The following TDRD5 variants were observed in gnomAD, a reference collection of about 807,000 sequenced individuals.
TDRD5 encodes tudor domain-containing protein 5.
In TDRD5, 41 loss-of-function variants were observed where a neutral mutation model predicts 120.6. The observed-to-expected ratio is 0.34, with a 90% CI of 0.26 to 0.44. The LOEUF is 0.44. TDRD5 is among the 20% of genes least tolerant of loss of function. The probability of loss-of-function intolerance (pLI) is 1.00; values close to 1 mark genes in which losing one functional copy is unlikely to be tolerated. For synonymous variants in TDRD5, 430 were observed against 433.7 expected, an observed-to-expected ratio of 0.99 and a Z score of 0.11; for missense variants, 1,006 against 1,221.2, an observed-to-expected ratio of 0.82 and a Z score of 2.63.
intron 4 of TDRD5, among the ~76,000 whole-genome samples, chr1:179,601,631 T>C (rs561188099): frequency 4.9e-4 from 74 of 152,382 alleles, no homozygotes; most frequent in African/African-American, 1.8e-3. Context: ...TTCCATTGTA[T>C]ATAGATACCA....
Position 179,635,933 on chromosome 1 carries a change from T to A in TDRD5, c.1520+46T>A, listed in dbSNP as rs540398951. 1.9e-6 allele frequency: 3 copies of A among 1,557,254 alleles called. No homozygotes were observed. In the African/African-American group the frequency reaches 4.1e-5, roughly 21 times the overall value. ...ATGTGTTTTTCACATGTCTCTTAAA[T>A]CAACAGTTCTCAAACATTTCGGTTT... On this transcript the variant is annotated intron_variant, in intron 9 of 17. Transcript: ENST00000444136.
At chr1:179,607,323 T>A (rs1676032529) in intron 4 of TDRD5, among the ~76,000 whole-genome samples, 1 of 152,134 alleles carries the variant, frequency 6.6e-6, no homozygotes, top group South Asian at 2.1e-4. Context: ...CAGGAGTTTT[T>A]AAAAAATTCT....
At chr1:179,628,885 C>T (rs944790663) in intron 6 of TDRD5, among the ~76,000 whole-genome samples, 1 of 152,058 alleles carries the variant, frequency 6.6e-6, no homozygotes, top group Non-Finnish European at 1.5e-5. Flanking sequence ...ATAATGGTTA[C>T]TTCCAGGGAA....
intron 6 of TDRD5, among the ~76,000 whole-genome samples, chr1:179,630,394 T>C (rs187839144): frequency 6.8e-4 from 104 of 152,360 alleles, no homozygotes; most frequent in Non-Finnish European, 1.4e-3. Context: ...ATATTATCTT[T>C]ATTGGAAAAT....
intron 17 of TDRD5, among the ~76,000 whole-genome samples, chr1:179,684,409 G>A (rs1162971613): frequency 6.6e-6 from 1 of 152,112 alleles, no homozygotes; most frequent in Non-Finnish European, 1.5e-5. Context: ...AGTATTCCAT[G>A]GTGTATATGT....
chr1:179,634,721 A>G (rs1677671642), intron 8 of TDRD5, 92 bp downstream of exon 8: 2 of 1,406,478 alleles, frequency 1.4e-6, no homozygotes, highest in East Asian at 4.8e-5. Flanking sequence ...CTTTTTAGAA[A>G]AGTCTTATTT....
intron 4 of TDRD5, among the ~76,000 whole-genome samples, chr1:179,609,215 T>A (rs1397870298): frequency 6.6e-6 from 1 of 152,174 alleles, no homozygotes; most frequent in Non-Finnish European, 1.5e-5. Flanking sequence ...TCTGAAATGC[T>A]TGGTTGAGTA....
chr1:179,635,157 T>G (rs906839329), intron 8 of TDRD5, among the ~76,000 whole-genome samples: 3 of 152,156 alleles, frequency 2.0e-5, no homozygotes, highest in Non-Finnish European at 4.4e-5. Context: ...AAAAGTTTTG[T>G]TTGGAGAGCT....
chr1:179,621,801 G>C (rs960905228), intron 6 of TDRD5, among the ~76,000 whole-genome samples: 1 of 152,120 alleles, frequency 6.6e-6, no homozygotes, highest in South Asian at 2.1e-4. Context: ...TCTATCCAGA[G>C]CATCTTTCAT....
In TDRD5 at chr1:179,638,594, T is replaced by C. The variant is rs1677889692; in HGVS notation, c.1521-1245T>C. Among the ~76,000 whole-genome samples, 2 of 127,920 alleles carry C rather than the reference T, an allele frequency of 1.6e-5. 1 individual carries two copies. Among genetic ancestry groups the C allele is most frequent in the Non-Finnish European group, 3.5e-5 (2 of 57,756 alleles). The allele number at this position is 127,920 out of a possible 152,430, so 83.9% of individuals were successfully genotyped here. On this transcript the variant is annotated intron_variant, in intron 9 of 17. Coordinates refer to ENST00000444136, the MANE Select transcript of TDRD5 (RefSeq NM_001199085.3). Reference sequence around the variant, plus strand: ...AATACATTCTGATATGATAGTTCCGTGGTGGGAGGGGGACACAGTTATAGA... The same window carrying C: ...AATACATTCTGATATGATAGTTCCGCGGTGGGAGGGGGACACAGTTATAGA...
chr1:179,626,283 T>C (rs1318912345), intron 6 of TDRD5, among the ~76,000 whole-genome samples: 1 of 152,246 alleles, frequency 6.6e-6, no homozygotes, highest in East Asian at 1.9e-4. Flanking sequence ...ATCTGAAAAA[T>C]AGTTGCTGTG....
intron 17 of TDRD5, 143 bp from the exon 18 acceptor site, chr1:179,690,553 C>G: frequency 9.1e-7 from 1 of 1,097,294 alleles, no homozygotes; most frequent in Non-Finnish European, 1.3e-6. Flanking sequence ...TAAGTCTCAT[C>G]TTCTCTGATT....
At chr1:179,684,169 G>C (rs1680578243) in intron 17 of TDRD5, among the ~76,000 whole-genome samples, 2 of 151,974 alleles carry the variant, frequency 1.3e-5, no homozygotes, top group Non-Finnish European at 2.9e-5. Context: ...TTTACATTAG[G>C]TATATCTCCT....
At chr1:179,639,740 T>C in intron 9 of TDRD5, 99 bp from the exon 10 acceptor site, 1 of 1,293,828 alleles carries the variant, frequency 7.7e-7, no homozygotes, top group East Asian at 2.3e-5. Flanking sequence ...TTTTCTTTTC[T>C]TTGCTTTTTG....
intron 17 of TDRD5, among the ~76,000 whole-genome samples, chr1:179,686,801 T>G (rs1244085835): frequency 6.6e-6 from 1 of 152,226 alleles, no homozygotes; most frequent in East Asian, 1.9e-4. Flanking sequence ...ATTTATCCAT[T>G]TCTTCTAGAT....
rs551234164 is a variant in TDRD5 at position 179,609,837 on chromosome 1, A to G, written c.832-8762A>G. ...CACTTGCGCAAATCAGTACTCATCTAGAAACTTAAGGGAGTTCCTCTGCAG... is the reference window on the plus strand; with the variant it reads ...CACTTGCGCAAATCAGTACTCATCTGGAAACTTAAGGGAGTTCCTCTGCAG... On this transcript the variant is annotated intron_variant, in intron 4 of 17. Coordinates refer to ENST00000444136, the MANE Select transcript of TDRD5 (RefSeq NM_001199085.3). Among the ~76,000 whole-genome samples the G allele has an allele frequency of 4.6e-4, 70 of 152,292 alleles. 1 individual carries two copies. Among genetic ancestry groups the G allele is most frequent in the Middle Eastern group, 3.4e-3 (1 of 294 alleles).
intron 14 of TDRD5, among the ~76,000 whole-genome samples, chr1:179,656,146 T>C (rs1267389334): frequency 1.3e-5 from 2 of 152,216 alleles, no homozygotes; most frequent in Non-Finnish European, 2.9e-5. Flanking sequence ...AATAGGTGTG[T>C]AGTAGTATCA....
In TDRD5 at chr1:179,618,658, A is replaced by G. The variant is rs760260852; in HGVS notation, c.891A>G (p.Ser297=). Residue 297 remains serine (S), a synonymous_variant, in exon 5 of 18, where the codon TCA becomes TCG. Transcript: ENST00000444136. The part of the protein sequence containing the change: ...AQIGPGGTIS[S]ELKHKIKFVV... ...TTGGACCTGGAGGAACTATCAGTTC[A>G]GAACTAAAACATAAGATAAAATTTG... 2.0e-5 allele frequency: 32 copies of G among 1,596,314 alleles called. No individual in the cohort carries two copies. Among genetic ancestry groups the G allele is most frequent in the Non-Finnish European group, 2.6e-5 (31 of 1,173,146 alleles).
At position 179,691,017 on chromosome 1, in the gene TDRD5, A is replaced by C; in HGVS notation, c.*74A>C. On this transcript the variant is annotated 3_prime_UTR_variant, in exon 18 of 18. Transcript: ENST00000444136. The stretch of plus-strand genomic sequence containing the variant: ...GATGAACTCCCAGGCCAAAATGAGG[A>C]GTTATTGAAGCAAAATAGTATCTTG... 2.0e-6 allele frequency: 3 copies of C among 1,522,254 alleles called. No homozygotes were observed. Among genetic ancestry groups the C allele is most frequent in the Non-Finnish European group, 2.6e-6 (3 of 1,142,308 alleles). The allele number at this position is 1,522,254 out of a possible 1,614,324, so 94.3% of individuals were successfully genotyped here.
Sources: allele counts gnomAD v4.1 joint callset (sites outside exome capture counted in the v4.1 genomes callset), GRCh38; gene constraint gnomAD v4.1.1; transcripts MANE v1.5; gene names NCBI Gene and HGNC (gene_info 2026-07-23, HGNC 2026-07-21).